Variants in TRHDE observed in about 807,000 individuals in gnomAD.
The protein encoded by TRHDE is thyrotropin-releasing hormone-degrading ectoenzyme.
In TRHDE, 72 loss-of-function variants were observed where a neutral mutation model predicts 125.7. That is an observed-to-expected ratio of 0.57 (90% CI 0.47 to 0.70). The LOEUF is 0.70. Ranked by LOEUF, TRHDE falls within the 30% of genes least tolerant of loss-of-function variation. The probability of loss-of-function intolerance (pLI) is 0.00; values close to 1 mark genes in which losing one functional copy is unlikely to be tolerated. For missense variants in TRHDE, 1,110 were observed against 1,327.1 expected, an observed-to-expected ratio of 0.84 and a Z score of 2.54; for synonymous variants, 509 against 509.1, an observed-to-expected ratio of 1.00 and a Z score of 0.00.
intron 2 of TRHDE, chr12:72,186,722 A>G (rs1175908186): frequency 6.6e-6 from 1 of 152,134 alleles, no homozygotes; most frequent in East Asian, 1.9e-4. Context: ...ATTGCCAAAC[A>G]ACATCAGCAA....
chr12:72,462,945 G>A (rs1480227722), intron 3 of TRHDE, among the ~76,000 whole-genome samples: 1 of 152,204 alleles, frequency 6.6e-6, no homozygotes, highest in Non-Finnish European at 1.5e-5. Flanking sequence ...AAACTTTACT[G>A]AGTGAGTGAA....
At chr12:72,621,881 TGTCAG>T in intron 15 of TRHDE, 130 bp downstream of exon 15, 1 of 670,914 alleles carries the variant, frequency 1.5e-6, no homozygotes, top group Non-Finnish European at 2.5e-6. Context: ...CAACATTTTG[TGTCAG>T]GTTCACAGCT....
At chr12:72,656,115 TG>T (rs1272716551) in intron 17 of TRHDE, among the ~76,000 whole-genome samples, 3 of 152,268 alleles carry the variant, frequency 2.0e-5, no homozygotes, top group Non-Finnish European at 4.4e-5. Flanking sequence ...TATGATAATC[TG>T]TGATAGGTAT....
chr12:72,278,364 A>G (rs966760121), intron 1 of TRHDE, among the ~76,000 whole-genome samples: 2 of 152,126 alleles, frequency 1.3e-5, no homozygotes, highest in Non-Finnish European at 2.9e-5. Context: ...TTGGTTCTGT[A>G]TCTCGGCTAC....
At chr12:72,244,783 A>T (rs1248172351) in intron 2 of TRHDE, among the ~76,000 whole-genome samples, 2 of 152,142 alleles carry the variant, frequency 1.3e-5, no homozygotes, top group East Asian at 3.8e-4. Context: ...GTTCAGAGAA[A>T]AAAAGGAATG....
chr12:72,256,199 C>CA (rs2139390717), intron 2 of TRHDE: 1 of 152,262 alleles, frequency 6.6e-6, no homozygotes, highest in South Asian at 2.1e-4. Flanking sequence ...TAAGTACTTA[C>CA]AATAGCCTAC....
intron 3 of TRHDE, among the ~76,000 whole-genome samples, chr12:72,431,381 T>C (rs1874471851): frequency 6.6e-6 from 1 of 152,198 alleles, no homozygotes; most frequent in African/African-American, 2.4e-5. Context: ...ATGCTGACAT[T>C]GTGAAGAAAA....
chr12:72,603,432 A>G (rs2136061467), intron 12 of TRHDE, among the ~76,000 whole-genome samples: 1 of 152,212 alleles, frequency 6.6e-6, no homozygotes, highest in Non-Finnish European at 1.5e-5. Flanking sequence ...TTATAATAAC[A>G]ATGTAAGTGT....
At chr12:72,254,128 A>C (rs2139389121) in intron 2 of TRHDE, 1 of 152,264 alleles carries the variant, frequency 6.6e-6, no homozygotes, top group South Asian at 2.1e-4. Flanking sequence ...ACTGTGCCTT[A>C]AGCATAGTGA....
intron 6 of TRHDE, among the ~76,000 whole-genome samples, chr12:72,510,831 G>A (rs370701992): frequency 6.6e-5 from 10 of 152,142 alleles, no homozygotes; most frequent in Admixed American, 2.6e-4. Flanking sequence ...AAAGAAGGGA[G>A]AAAGAGAGAT....
intron 12 of TRHDE, among the ~76,000 whole-genome samples, chr12:72,583,976 G>T (rs1871343573): frequency 2.5e-5 from 2 of 78,916 alleles, no homozygotes; most frequent in Admixed American, 2.6e-4. Flanking sequence ...TGTCGCCCAG[G>T]CTGGAGTGCA....
In TRHDE at chr12:72,543,701, A is replaced by AATTCTTATT. The variant is rs1206715969; in HGVS notation, c.1788+1346_1788+1354dup. 2.6e-5 allele frequency among the ~76,000 whole-genome samples: 4 copies of AATTCTTATT among 151,098 alleles called. No individual in the cohort carries two copies. In the East Asian group the frequency reaches 7.8e-4, roughly 29 times the overall value. ...TGATGTGAAATCATTTTCTGTATAA[A>AATTCTTATT]ATTCTTATTGTTTTTCTTCATCTGT... is the stretch of plus-strand genomic sequence containing the variant. On this transcript the variant is annotated intron_variant, in intron 7 of 18. Coordinates refer to ENST00000261180, the MANE Select transcript of TRHDE (RefSeq NM_013381.3).
At chr12:72,460,544 A>G (rs1469376685) in intron 3 of TRHDE, among the ~76,000 whole-genome samples, 1 of 152,226 alleles carries the variant, frequency 6.6e-6, no homozygotes, top group Non-Finnish European at 1.5e-5. Flanking sequence ...CAGTCTGGCC[A>G]GTATTAGGTA....
At chr12:72,183,918 A>G (rs1470985581) in intron 2 of TRHDE, among the ~76,000 whole-genome samples, 2 of 152,322 alleles carry the variant, frequency 1.3e-5, no homozygotes, top group South Asian at 2.1e-4. Flanking sequence ...GTTATAGTAG[A>G]TGGTACTTTT....
intron 2 of TRHDE, chr12:72,167,461 C>T (rs1383217655): frequency 3.3e-5 from 5 of 152,176 alleles, no homozygotes; most frequent in Admixed American, 2.0e-4. Flanking sequence ...ACAAAGCTAA[C>T]ATCTGAGGAC....
At chr12:72,517,746 A>G (rs1361354366) in intron 6 of TRHDE, among the ~76,000 whole-genome samples, 1 of 151,160 alleles carries the variant, frequency 6.6e-6, no homozygotes, top group Non-Finnish European at 1.5e-5. Context: ...TAGGGTGTCA[A>G]TTTTGGATCT....
chr12:72,531,336 C>A (rs1868540465), intron 6 of TRHDE, among the ~76,000 whole-genome samples: 1 of 151,878 alleles, frequency 6.6e-6, no homozygotes, highest in South Asian at 2.1e-4. Flanking sequence ...TTTTCCTATT[C>A]ATTTTAATAA....
chr12:72,232,183 G>A (rs571868075), intron 2 of TRHDE, among the ~76,000 whole-genome samples: 1 of 152,306 alleles, frequency 6.6e-6, no homozygotes, highest in African/African-American at 2.4e-5. Flanking sequence ...GGTCAGTCAG[G>A]AGATAGAATG....
At chr12:72,094,904 G>A (rs983940676) in intron 1 of TRHDE, among the ~76,000 whole-genome samples, 1 of 152,178 alleles carries the variant, frequency 6.6e-6, no homozygotes, top group South Asian at 2.1e-4. Context: ...ATCCCAACAC[G>A]AAGGTACTTT....
Sources: allele counts gnomAD v4.1 joint callset (sites outside exome capture counted in the v4.1 genomes callset), GRCh38; gene constraint gnomAD v4.1.1; transcripts MANE v1.5; gene names NCBI Gene and HGNC (gene_info 2026-07-23, HGNC 2026-07-21).